The following PSPC1 variants were observed in gnomAD, a reference collection of about 807,000 sequenced individuals.
PSPC1 encodes paraspeckle protein 1.
Under a neutral mutation model 51.6 loss-of-function variants are expected in PSPC1, and 14 were observed. The ratio of observed to expected loss-of-function variants is 0.27; its 90% CI spans 0.18 to 0.42. The LOEUF (loss-of-function observed/expected upper bound fraction) is 0.42. Ranked by LOEUF, PSPC1 falls within the 10% of genes least tolerant of loss-of-function variation. The pLI is 1.00. For missense variants in PSPC1, 406 were observed against 701.1 expected (o/e 0.58, Z 4.75); for synonymous variants, 193 against 231.9 (o/e 0.83, Z 1.53).
intron 6 of PSPC1, among the ~76,000 whole-genome samples, chr13:19,728,156 G>C (rs1167427388): frequency 6.6e-6 from 1 of 151,966 alleles, no homozygotes; most frequent in Admixed American, 6.6e-5. Context: ...GACCAGATAT[G>C]ACAAGTGTTT....
intron 2 of PSPC1, among the ~76,000 whole-genome samples, chr13:19,768,386 G>C (rs948468167): frequency 6.6e-6 from 1 of 151,908 alleles, no homozygotes; most frequent in East Asian, 1.9e-4. Flanking sequence ...GGTGGCTCAC[G>C]CCTGTAATCC....
At position 19,684,831 on chromosome 13, in the gene PSPC1, C is replaced by T. The variant is rs576394760; in HGVS notation, c.1159-7008G>A. Among the ~76,000 whole-genome samples, 209 of 152,310 alleles carry T rather than the reference C, an allele frequency of 1.4e-3. 1 individual carries two copies. Among genetic ancestry groups the T allele is most frequent in the African/African-American group, 4.8e-3 (201 of 41,574 alleles). The stretch of plus-strand genomic sequence containing the variant: ...TTGGCATGAACTCCTCACTGGGGAA[C>T]ACTACTTCTGAATTAGAAGTGTATC... On this transcript the variant is annotated intron_variant and NMD_transcript_variant, in intron 6 of 7. Coordinates refer to the PSPC1 transcript ENST00000471658.
At chr13:19,688,046 G>A (rs547437877) in intron 6 of PSPC1, among the ~76,000 whole-genome samples, 2 of 151,774 alleles carry the variant, frequency 1.3e-5, no homozygotes, top group African/African-American at 4.8e-5. Context: ...TGATACCTAG[G>A]TATTTCTACC....
intron 5 of PSPC1, among the ~76,000 whole-genome samples, chr13:19,732,943 G>T (rs1177767658): frequency 6.8e-6 from 1 of 147,526 alleles, no homozygotes; most frequent in Non-Finnish European, 1.5e-5. Context: ...AAAAGAAAAA[G>T]AAAAAGAAAA....
intron 6 of PSPC1, among the ~76,000 whole-genome samples, chr13:19,690,759 A>G (rs1392396130): frequency 6.6e-6 from 1 of 152,166 alleles, no homozygotes; most frequent in Non-Finnish European, 1.5e-5. Context: ...CTGGTCCCAC[A>G]CAGCAGGATA....
intron 6 of PSPC1, among the ~76,000 whole-genome samples, chr13:19,713,268 A>T (rs1473387524): frequency 6.6e-6 from 1 of 152,210 alleles, no homozygotes. Flanking sequence ...TGTAACCAAC[A>T]TCTCAAAAGA....
At position 19,730,152 on chromosome 13, in the gene PSPC1, T is replaced by C. The variant is rs1883864727; in HGVS notation, c.1158+87A>G. ...ATTTAGAAAGATTAGAAAAGACTACTGTATAAACCAAAATCTAAAGCATTC... is the reference window on the plus strand; with the variant it reads ...ATTTAGAAAGATTAGAAAAGACTACCGTATAAACCAAAATCTAAAGCATTC... On this transcript the variant is annotated intron_variant, in intron 6 of 8. Transcript: ENST00000338910. 10 of 1,091,684 alleles carry C rather than the reference T, an allele frequency of 9.2e-6. 1 individual carries two copies. In the South Asian group the frequency reaches 1.2e-4, roughly 13 times the overall value. 67.6% of individuals were successfully genotyped at this position (1,091,684 alleles called of 1,614,324 possible). A position where few individuals can be genotyped will look rare whatever the true frequency, so the allele number is the denominator to read the frequency against.
rs1479444939 is a variant in PSPC1, at chr13:19,694,576, GTATT to G, written c.1159-16757_1159-16754del. Among the ~76,000 whole-genome samples the G allele has an allele frequency of 3.0e-4, 45 of 152,224 alleles. 2 individuals carry two copies. The East Asian group carries it at 3.3e-3, about 11-fold the overall frequency. On this transcript the variant is annotated intron_variant and NMD_transcript_variant, in intron 6 of 7. Coordinates refer to the PSPC1 transcript ENST00000471658. ...AAATTTTCCTCAAAAATACTTAACTGTATTTAGATTACATAAAATCAAAGATACA... is the reference window on the plus strand; with the variant it reads ...AAATTTTCCTCAAAAATACTTAACTGTAGATTACATAAAATCAAAGATACA...
chr13:19,738,270 G>A (rs1373786837), intron 5 of PSPC1, among the ~76,000 whole-genome samples: 1 of 152,054 alleles, frequency 6.6e-6, no homozygotes, highest in Non-Finnish European at 1.5e-5. Context: ...TTTCTCTAAT[G>A]ATGAGAAATT....
downstream of PSPC1, among the ~76,000 whole-genome samples, chr13:19,700,454 AAAAT>A (rs1879763305): frequency 6.6e-6 from 1 of 152,118 alleles, no homozygotes; most frequent in African/African-American, 2.4e-5. Flanking sequence ...TTCACACAGA[AAAAT>A]AAAAAAAACC....
chr13:19,702,152 A>C (rs1452156480), downstream of PSPC1, among the ~76,000 whole-genome samples: 1 of 152,234 alleles, frequency 6.6e-6, no homozygotes, highest in Non-Finnish European at 1.5e-5. Flanking sequence ...ATTAAAAAGA[A>C]AACCACTGCC....
At chr13:19,765,330 A>G (rs1331736304) in intron 2 of PSPC1, among the ~76,000 whole-genome samples, 1 of 143,672 alleles carries the variant, frequency 7.0e-6, no homozygotes, top group East Asian at 2.0e-4. Context: ...CTCAAAAATA[A>G]TAATAATAAT....
At chr13:19,716,883 T>C (rs1882156412) in intron 6 of PSPC1, among the ~76,000 whole-genome samples, 1 of 152,196 alleles carries the variant, frequency 6.6e-6, no homozygotes, top group Non-Finnish European at 1.5e-5. Context: ...TAAACTTTCA[T>C]GAGAAAGATT....
At chr13:19,673,993 C>T (rs909016681), downstream of PSPC1, among the ~76,000 whole-genome samples, 3 of 152,200 alleles carry the variant, frequency 2.0e-5, no homozygotes, top group Non-Finnish European at 4.4e-5. Context: ...TGGAAAGCTA[C>T]GAAGTCAGAT....
chr13:19,749,476 G>A (rs375974594), intron 4 of PSPC1, among the ~76,000 whole-genome samples: 34 of 147,692 alleles, frequency 2.3e-4, no homozygotes, highest in East Asian at 1.4e-3. Flanking sequence ...GCAGTGTGCC[G>A]AGATCATGCC....
downstream of PSPC1, chr13:19,672,915 A>G (rs77065909): frequency 8.1e-3 from 2,949 of 362,612 alleles, 186 homozygotes; most frequent in East Asian, 0.14. Context: ...CCTGGGTAAC[A>G]TGGGGTGGAA....
intron 4 of PSPC1, among the ~76,000 whole-genome samples, chr13:19,743,609 G>C (rs1885651635): frequency 6.6e-6 from 1 of 152,136 alleles, no homozygotes; most frequent in Non-Finnish European, 1.5e-5. Flanking sequence ...TAGTTGATCA[G>C]ACTCAATTGG....
chr13:19,676,148 G>A (rs1241810967), intron 7 of PSPC1, among the ~76,000 whole-genome samples: 1 of 152,170 alleles, frequency 6.6e-6, no homozygotes, highest in Non-Finnish European at 1.5e-5. Context: ...GACAGCTTAT[G>A]TACACAATTT....
At chr13:19,745,587 G>A (rs1355177361) in intron 4 of PSPC1, among the ~76,000 whole-genome samples, 1 of 150,616 alleles carries the variant, frequency 6.6e-6, no homozygotes, top group Non-Finnish European at 1.5e-5. Flanking sequence ...TTATTTTACC[G>A]CTGATCTGTC....
Sources: allele counts gnomAD v4.1 joint callset (sites outside exome capture counted in the v4.1 genomes callset), GRCh38; gene constraint gnomAD v4.1.1; transcripts MANE v1.5; gene names NCBI Gene and HGNC (gene_info 2026-07-23, HGNC 2026-07-21).